DSCAM: variants seen among roughly 807,000 people sequenced by gnomAD.
DSCAM encodes the protein cell adhesion molecule DSCAM.
In DSCAM, 47 loss-of-function variants were observed where a neutral mutation model predicts 217.7. That is an observed-to-expected ratio of 0.22 (90% CI 0.17 to 0.28). The LOEUF (loss-of-function observed/expected upper bound fraction) is 0.28. Ranked by LOEUF, DSCAM falls within the 10% of genes least tolerant of loss-of-function variation. The pLI is 1.00. For synonymous variants in DSCAM, 1,056 were observed against 1,015.3 expected, an observed-to-expected ratio of 1.04 and a Z score of -0.76; for missense variants, 2,080 against 2,618.3, an observed-to-expected ratio of 0.79 and a Z score of 4.49.
intron 11 of DSCAM, among the ~76,000 whole-genome samples, chr21:40,259,969 C>T (rs1000820907): frequency 1.8e-4 from 28 of 152,024 alleles, no homozygotes; most frequent in African/African-American, 4.6e-4. Context: ...CCTTGTGATC[C>T]GCCCGCCTCG....
intron 2 of DSCAM, among the ~76,000 whole-genome samples, chr21:40,705,209 C>T (rs932292490): frequency 1.1e-4 from 16 of 152,212 alleles, no homozygotes; most frequent in Non-Finnish European, 2.1e-4. Flanking sequence ...TAAACAACAT[C>T]TTTGTTGCTT....
chr21:40,562,907 C>A (rs1032628205), intron 3 of DSCAM, among the ~76,000 whole-genome samples: 1 of 152,168 alleles, frequency 6.6e-6, no homozygotes, highest in Non-Finnish European at 1.5e-5. Flanking sequence ...ACGACATGCA[C>A]TAAAAGTCAA....
At chr21:40,820,148 G>A (rs771374545) in intron 1 of DSCAM, among the ~76,000 whole-genome samples, 3 of 152,026 alleles carry the variant, frequency 2.0e-5, no homozygotes, top group African/African-American at 4.8e-5. Flanking sequence ...CTACTATAAA[G>A]ACACATGCAC....
chr21:40,738,868 A>G (rs1437108304), intron 1 of DSCAM, among the ~76,000 whole-genome samples: 1 of 152,188 alleles, frequency 6.6e-6, no homozygotes, highest in Non-Finnish European at 1.5e-5. Context: ...TCAACTCGCC[A>G]TCCCTCAGCA....
In DSCAM at chr21:40,148,218, A is replaced by G. The variant is rs141270397; in HGVS notation, c.3019-3487T>C. Reference sequence around the variant, plus strand: ...CTTTTTTTTTCAGGGTGCTAATATGATCTATAGTTTTCATGCAGAATAAAT... The same window carrying G: ...CTTTTTTTTTCAGGGTGCTAATATGGTCTATAGTTTTCATGCAGAATAAAT... On this transcript the variant is annotated intron_variant, in intron 16 of 32. Transcript: ENST00000400454. 3.0e-3 allele frequency among the ~76,000 whole-genome samples: 453 copies of G among 152,086 alleles called. 2 individuals are homozygous for G. The highest frequency in any genetic ancestry group is 0.01 in the African/African-American group (428 of 41,474).
intron 9 of DSCAM, 122 bp from the exon 10 acceptor site, chr21:40,296,296 G>C: frequency 8.4e-7 from 1 of 1,195,952 alleles, no homozygotes; most frequent in Non-Finnish European, 1.1e-6. Flanking sequence ...CATACACATG[G>C]GACAATAAAA....
At chr21:40,243,795 CA>C (rs1480655736) in intron 11 of DSCAM, among the ~76,000 whole-genome samples, 1 of 152,172 alleles carries the variant, frequency 6.6e-6, no homozygotes, top group African/African-American at 2.4e-5. Context: ...AGGAATGGAA[CA>C]CCCTTGCCAG....
chr21:40,747,043 A>C (rs2091181966), intron 1 of DSCAM, among the ~76,000 whole-genome samples: 1 of 151,896 alleles, frequency 6.6e-6, no homozygotes, highest in African/African-American at 2.4e-5. Context: ...ACATACCAAA[A>C]CCTATGGGAT....
intron 11 of DSCAM, among the ~76,000 whole-genome samples, chr21:40,246,896 A>G (rs750524746): frequency 2.2e-4 from 34 of 152,126 alleles, no homozygotes; most frequent in Non-Finnish European, 4.1e-4. Context: ...ACTGCTGATA[A>G]AGACATACCT....
At position 40,613,957 on chromosome 21, in the gene DSCAM, G is replaced by C. The variant is rs141403588; in HGVS notation, c.508+78853C>G. On this transcript the variant is annotated intron_variant, in intron 3 of 32. Transcript: ENST00000400454. Reference sequence around the variant, plus strand: ...ACAATCAAAATTTGGGGAGCAAATCGTTATCCTTGCACAAAAGAAAAACTC... The same window carrying C: ...ACAATCAAAATTTGGGGAGCAAATCCTTATCCTTGCACAAAAGAAAAACTC... 2.5e-3 allele frequency among the ~76,000 whole-genome samples: 381 copies of C among 152,282 alleles called. 2 individuals carry two copies. Among genetic ancestry groups the C allele is most frequent in the African/African-American group, 8.9e-3 (370 of 41,560 alleles).
chr21:40,093,005 TA>T (rs1274131653), intron 21 of DSCAM, among the ~76,000 whole-genome samples: 1 of 152,202 alleles, frequency 6.6e-6, no homozygotes, highest in Non-Finnish European at 1.5e-5. Flanking sequence ...TCAGAGAACA[TA>T]TTAGTAATAA....
At chr21:40,299,612 C>T (rs1420912918) in intron 9 of DSCAM, among the ~76,000 whole-genome samples, 4 of 152,006 alleles carry the variant, frequency 2.6e-5, no homozygotes, top group Non-Finnish European at 4.4e-5. Flanking sequence ...GCATATGGTC[C>T]CCTGGGGGTT....
intron 3 of DSCAM, among the ~76,000 whole-genome samples, chr21:40,372,652 A>C (rs1392955605): frequency 2.0e-5 from 3 of 152,146 alleles, no homozygotes; most frequent in Non-Finnish European, 4.4e-5. Flanking sequence ...GCTTGTCTTT[A>C]TTAGCTTTTC....
intron 11 of DSCAM, among the ~76,000 whole-genome samples, chr21:40,253,291 G>A (rs1204838736): frequency 1.3e-5 from 2 of 152,128 alleles, no homozygotes; most frequent in Non-Finnish European, 2.9e-5. Context: ...GGACTGTATA[G>A]CAGGGAGCCT....
chr21:40,502,289 G>A (rs964444461), intron 3 of DSCAM, among the ~76,000 whole-genome samples: 1 of 152,072 alleles, frequency 6.6e-6, no homozygotes, highest in African/African-American at 2.4e-5. Flanking sequence ...CACAAATCTA[G>A]TGTGTCATTT....
intron 3 of DSCAM, among the ~76,000 whole-genome samples, chr21:40,689,252 T>C (rs924687377): frequency 6.6e-6 from 1 of 152,212 alleles, no homozygotes; most frequent in Non-Finnish European, 1.5e-5. Flanking sequence ...CAAATACCCA[T>C]TTACCTTCAC....
chr21:40,646,722 A>G (rs899928634), intron 3 of DSCAM, among the ~76,000 whole-genome samples: 36 of 152,304 alleles, frequency 2.4e-4, no homozygotes, highest in Admixed American at 1.9e-3. Context: ...GTGCAGTTGA[A>G]TTTCAGTGAG....
chr21:40,309,334 C>CA (rs1399458665), intron 9 of DSCAM, among the ~76,000 whole-genome samples: 3 of 152,124 alleles, frequency 2.0e-5, no homozygotes, highest in African/African-American at 4.8e-5. Context: ...AACCAGTGAC[C>CA]AACTCTTGGT....
At chr21:40,240,750 G>A (rs2073141630) in intron 11 of DSCAM, among the ~76,000 whole-genome samples, 1 of 151,988 alleles carries the variant, frequency 6.6e-6, no homozygotes, top group Non-Finnish European at 1.5e-5. Flanking sequence ...ATAACAAATT[G>A]CCTGACAGGC....
Sources: allele counts gnomAD v4.1 joint callset (sites outside exome capture counted in the v4.1 genomes callset), GRCh38; gene constraint gnomAD v4.1.1; transcripts MANE v1.5; gene names NCBI Gene and HGNC (gene_info 2026-07-23, HGNC 2026-07-21).